Variants in HSPB7 observed in about 807,000 individuals in gnomAD.
HSPB7 encodes the protein heat shock protein beta-7.
In HSPB7, 9 loss-of-function variants were observed where a neutral mutation model predicts 11.0. That is an observed-to-expected ratio of 0.82 (90% CI 0.49 to 1.43). HSPB7 has a LOEUF of 1.43. Among genes scored for constraint, HSPB7 ranks in the 40% most tolerant of loss-of-function variants. The pLI is 0.00. For synonymous variants in HSPB7, 102 were observed against 101.6 expected, an observed-to-expected ratio of 1.00 and a Z score of -0.02; for missense variants, 246 against 243.9, an observed-to-expected ratio of 1.01 and a Z score of -0.06.
upstream of HSPB7, chr1:16,018,376 G>C: frequency 8.4e-7 from 1 of 1,192,836 alleles, no homozygotes. Context: ...CAGCCTGGGG[G>C]CTCCTGAGGA....
chr1:16,014,859 T>G lies in HSPB7; in HGVS notation c.*721A>C, dbSNP rs1048245. ...GGACCAGCCCCACCCCCAACCCCACTTGGCCTTGCCTGGAGGCCCCAGCAG... is the reference window on the plus strand; with the variant it reads ...GGACCAGCCCCACCCCCAACCCCACGTGGCCTTGCCTGGAGGCCCCAGCAG... On this transcript the variant is annotated 3_prime_UTR_variant, in exon 3 of 3. Transcript: ENST00000311890. The G allele has an allele frequency of 0.62, 93,810 of 152,370 alleles. 29,413 individuals are homozygous for G. The highest frequency in any genetic ancestry group is 0.78 in the East Asian group (4,006 of 5,166). The allele number at this position is 152,370 out of a possible 1,614,324, so 9.4% of individuals were successfully genotyped here.
In HSPB7 at chr1:16,014,787, G is replaced by A. The variant is rs1395677035; in HGVS notation, c.*793C>T. On this transcript the variant is annotated 3_prime_UTR_variant, in exon 3 of 3. Coordinates refer to ENST00000311890, the MANE Select transcript of HSPB7 (RefSeq NM_014424.5). ...GCTTCCATCTCTGTTAGGTGATCCT[G>A]TCTGCATGGGAGCAGCCCCAAGAAC... 1 of 152,272 alleles carries A rather than the reference G, an allele frequency of 6.6e-6. No individual in the cohort carries two copies. Among genetic ancestry groups the A allele is most frequent in the Non-Finnish European group, 1.5e-5 (1 of 68,072 alleles). 9.4% of individuals were successfully genotyped at this position (152,272 alleles called of 1,614,324 possible).
chr1:16,018,845 T>G, upstream of HSPB7: 1 of 1,281,002 alleles, frequency 7.8e-7, no homozygotes, highest in Non-Finnish European at 9.9e-7. Flanking sequence ...CTTCTGGGCA[T>G]GGGCTCCTGG....
upstream of HSPB7, chr1:16,019,560 A>G: frequency 5.3e-6 from 7 of 1,326,382 alleles, no homozygotes; most frequent in South Asian, 1.5e-5. Flanking sequence ...AGCTCCTTCT[A>G]CAGGGGTATT....
upstream of HSPB7, chr1:16,019,303 T>A (rs2021974133): frequency 6.9e-7 from 1 of 1,453,836 alleles, no homozygotes; most frequent in South Asian, 1.2e-5. Flanking sequence ...CCTGCTCACA[T>A]GGGCCCACAC....
chr1:16,018,155 ATCT>A (rs762674261), upstream of HSPB7: 17 of 1,540,426 alleles, frequency 1.1e-5, no homozygotes, highest in Middle Eastern at 3.5e-4. Context: ...GGGGCTGGAA[ATCT>A]TCTCCCGTGC....
intron 1 of HSPB7, 23 bp from the exon 2 acceptor site, chr1:16,017,230 C>G: frequency 6.2e-7 from 1 of 1,609,506 alleles, no homozygotes. Context: ...CTGCTGTGAG[C>G]GAGGCATGGA....
Position 16,017,188 on chromosome 1 carries a change from G to A in HSPB7, c.219C>T (p.Gly73=), listed in dbSNP as rs764951901. 2 of 1,613,332 alleles carry A rather than the reference G, an allele frequency of 1.2e-6. No individual in the cohort carries two copies. The highest frequency in any genetic ancestry group is 1.7e-5 in the Admixed American group (1 of 60,006). The part of the protein sequence containing the change: ...LAFPARPGGA[G]NIKTLGDAYE... ...AGGCGTCTCCTAGGGTCTTGATGTT[G>A]CCTGCCCCACCGGGGCGGGCTGTGG... Residue 73 remains glycine (G), a synonymous_variant, in exon 2 of 3, where the codon GGC becomes GGT. Coordinates refer to ENST00000311890, the MANE Select transcript of HSPB7 (RefSeq NM_014424.5).
chr1:16,018,644 A>C (rs575695512), upstream of HSPB7: 11 of 1,030,442 alleles, frequency 1.1e-5, no homozygotes, highest in South Asian at 3.4e-4. Context: ...TGACTCTCAG[A>C]ACATTCAGCA....
intron 2 of HSPB7, among the ~76,000 whole-genome samples, chr1:16,016,566 C>T (rs1283979337): frequency 2.0e-5 from 3 of 152,194 alleles, no homozygotes; most frequent in African/African-American, 7.2e-5. Context: ...CCTGCCCAGC[C>T]TCGGGCCTAA....
chr1:16,019,279 C>A (rs565504714), upstream of HSPB7: 3 of 1,504,768 alleles, frequency 2.0e-6, no homozygotes, highest in South Asian at 2.4e-5. Context: ...CCCAGGGAGG[C>A]CTCTCTGACT....
In HSPB7 at chr1:16,018,013, AG is replaced by A; in HGVS notation, c.-51del. The A allele has an allele frequency of 6.2e-7, 1 of 1,611,650 alleles. No homozygotes were observed. The highest frequency in any genetic ancestry group is 8.5e-7 in the Non-Finnish European group (1 of 1,179,236). On this transcript the variant is annotated 5_prime_UTR_variant, in exon 1 of 3. Transcript: ENST00000311890. ...CAGGCGGGCGAGGGCTGGACAGGAG[AG>A]GGTGTGGGCGCAGGCCTCTGGGCGA...
Position 16,015,435 on chromosome 1 carries a change from G to A in HSPB7, c.*145C>T, listed in dbSNP as rs926665502. 2.8e-6 allele frequency: 2 copies of A among 714,604 alleles called. No individual in the cohort carries two copies. The highest frequency in any genetic ancestry group is 2.4e-5 in the Admixed American group (1 of 41,010). 44.3% of individuals were successfully genotyped at this position (714,604 alleles called of 1,614,324 possible). A position where few individuals can be genotyped will look rare whatever the true frequency, so the allele number is the denominator to read the frequency against. ...GCCCTGGATAGAGTGGAGGGCCCTA[G>A]TTTGGGAGGATGGTCCACCTGGGGT... is the stretch of plus-strand genomic sequence containing the variant. On this transcript the variant is annotated 3_prime_UTR_variant, in exon 3 of 3. Transcript: ENST00000311890. This position sits in a 1 kb window ranked among gnomAD's most constrained non-coding sequence, Gnocchi z 4.9.
chr1:16,017,001 G>T (rs1227568982), intron 2 of HSPB7, 73 bp downstream of exon 2: 60 of 1,482,762 alleles, frequency 4.0e-5, no homozygotes, highest in Non-Finnish European at 5.2e-5. Context: ...TCCCAGGATG[G>T]TAAGGGGGAG....
Position 16,015,281 on chromosome 1 carries a change from A to G in HSPB7, c.*299T>C, listed in dbSNP as rs956439578. 1.1e-5 allele frequency: 4 copies of G among 372,588 alleles called. No homozygotes were observed. Among genetic ancestry groups the G allele is most frequent in the Non-Finnish European group, 2.0e-5 (4 of 202,774 alleles). The allele number at this position is 372,588 out of a possible 1,614,324, so 23.1% of individuals were successfully genotyped here. Reference sequence around the variant, plus strand: ...CTTGCCCATATGTCCTGCTGGTCCCATTCCCCTGACCCACAGTGGGTTCTT... The same window carrying G: ...CTTGCCCATATGTCCTGCTGGTCCCGTTCCCCTGACCCACAGTGGGTTCTT... On this transcript the variant is annotated 3_prime_UTR_variant, in exon 3 of 3. Coordinates refer to ENST00000311890, the MANE Select transcript of HSPB7 (RefSeq NM_014424.5). This position sits in a 1 kb window ranked among gnomAD's most constrained non-coding sequence, Gnocchi z 4.9.
At chr1:16,018,258 T>G (rs1314216185), upstream of HSPB7, 1 of 1,413,698 alleles carries the variant, frequency 7.1e-7, no homozygotes, top group Non-Finnish European at 9.4e-7. Context: ...CCCAGGGGCC[T>G]CCTCACCACT....
rs1386044244 is a variant in HSPB7, at chr1:16,017,830, A to G, written c.134T>C (p.Leu45Pro). 23 of 1,613,684 alleles carry G rather than the reference A, an allele frequency of 1.4e-5. No homozygotes were observed. Among genetic ancestry groups the G allele is most frequent in the East Asian group, 2.2e-5 (1 of 44,860 alleles). Residue 45 changes from leucine to proline, a missense_variant, in exon 1 of 3, where the codon CTG becomes CCG. By Grantham distance (98) the Leu-to-Pro change is moderately conservative. Transcript: ENST00000311890. ...GCCAAAGTCATCGGAAAACATGCTC[A>G]GGGCCTTCTCCATGGGCGGGTCCTG... Reference protein sequence around the residue: ...PAQDPPMEKALSMFSDDFGSF... With the variant: ...PAQDPPMEKAPSMFSDDFGSF...
Position 16,015,509 on chromosome 1 carries a change from T to A in HSPB7, c.*71A>T. 1 of 1,464,026 alleles carries A rather than the reference T, an allele frequency of 6.8e-7. No homozygotes were observed. The highest frequency in any genetic ancestry group is 1.2e-5 in the South Asian group (1 of 84,724). 90.7% of individuals were successfully genotyped at this position (1,464,026 alleles called of 1,614,324 possible). A position where few individuals can be genotyped will look rare whatever the true frequency, so the allele number is the denominator to read the frequency against. On this transcript the variant is annotated 3_prime_UTR_variant, in exon 3 of 3. Transcript: ENST00000311890. This position sits in a 1 kb window ranked among gnomAD's most constrained non-coding sequence, Gnocchi z 4.9. ...CTGGGCTGAGATGTCCTGGAGCTGT[T>A]GTAATGGGGTTAGCGAGGCTTTGCT...
At position 16,015,777 on chromosome 1, in the gene HSPB7, C is replaced by T. The variant is rs781288880; in HGVS notation, c.334-18G>A. On this transcript the variant is annotated intron_variant, in intron 2 of 2. Transcript: ENST00000311890. This position sits in a 1 kb window ranked among gnomAD's most constrained non-coding sequence, Gnocchi z 4.9. ...GCCGCCAGCTGGGGAAGGGGTGACC[C>T]GTCAGGCAGGCTGCCCCGACCCCTG... 1.3e-5 allele frequency: 20 copies of T among 1,560,846 alleles called. No homozygotes were observed. Among genetic ancestry groups the T allele is most frequent in the African/African-American group, 2.7e-5 (2 of 74,228 alleles).
Sources: gnomAD v4.1 joint callset for allele counts (sites outside exome capture counted in the v4.1 genomes callset) on GRCh38, gnomAD v4.1.1 for gene constraint, Gnocchi (gnomAD v3.1) non-coding constraint, MANE v1.5 for transcripts, NCBI Gene and HGNC (gene_info 2026-07-23, HGNC 2026-07-21) for gene names.